TASL: variants seen among roughly 807,000 people sequenced by gnomAD.
The protein encoded by TASL is TLR adaptor interacting with endolysosomal SLC15A4.
Under a neutral mutation model 12.9 loss-of-function variants are expected in TASL, and 6 were observed. The observed-to-expected ratio is 0.46, with a 90% CI of 0.25 to 0.92. The LOEUF (loss-of-function observed/expected upper bound fraction) is 0.92. Among genes scored for constraint, TASL ranks in the 40% least tolerant of loss-of-function variants. The pLI, the probability that TASL is intolerant of heterozygous loss-of-function variation, is 0.17. For missense variants in TASL, 165 were observed against 212.8 expected, an observed-to-expected ratio of 0.78 and a Z score of 1.40; for synonymous variants, 85 against 79.3, an observed-to-expected ratio of 1.07 and a Z score of -0.38.
intron 2 of TASL, among the ~76,000 whole-genome samples, chrX:30,569,741 G>A (rs1930563194): frequency 9.0e-6 from 1 of 111,531 alleles, no homozygotes; most frequent in African/African-American, 3.3e-5. Context: ...GGCCGGGCAC[G>A]GTGGCTCACA....
chrX:30,560,844 G>A (rs1930409825), intron 2 of TASL, among the ~76,000 whole-genome samples: 1 of 110,553 alleles, frequency 9.0e-6, no homozygotes. Flanking sequence ...AGCACAAGCA[G>A]AAGGAATTGG....
At chrX:30,563,078 C>T (rs1396475778) in intron 2 of TASL, among the ~76,000 whole-genome samples, 8 of 111,104 alleles carry the variant, frequency 7.2e-5, no homozygotes, top group Non-Finnish European at 1.5e-4. Flanking sequence ...TGCTGTGTCC[C>T]CACCCAAATC....
At chrX:30,570,360 A>G (rs1016646136) in intron 2 of TASL, among the ~76,000 whole-genome samples, 1 of 111,480 alleles carries the variant, frequency 9.0e-6, no homozygotes, top group Non-Finnish European at 1.9e-5. Context: ...TTGTTGCCAG[A>G]TCTATAAAAT....
chrX:30,563,325 G>A (rs1389008106), intron 2 of TASL, among the ~76,000 whole-genome samples: 1 of 111,865 alleles, frequency 8.9e-6, no homozygotes, highest in Non-Finnish European at 1.9e-5. Context: ...CCCCAGCCCT[G>A]CAGAACTGAG....
rs951855800 is a variant in TASL, at chrX:30,576,852, T to C, written c.-102A>G. The C allele has an allele frequency of 8.9e-6, 1 of 112,036 alleles. No homozygotes were observed. The highest frequency in any genetic ancestry group is 3.2e-5 in the African/African-American group (1 of 30,837). 9.2% of individuals were successfully genotyped at this position (112,036 alleles called of 1,213,427 possible). A position where few individuals can be genotyped will look rare whatever the true frequency, so the allele number is the denominator to read the frequency against. ...AGCTTCTCAAGCTCAGAAACAATCT[T>C]CTTCTCACACTGACCTATGCAAGAA... On this transcript the variant is annotated 5_prime_UTR_variant, in exon 2 of 3. Transcript: ENST00000378962.
chrX:30,569,623 A>G (rs757644406), intron 2 of TASL, among the ~76,000 whole-genome samples: 2 of 111,560 alleles, frequency 1.8e-5, no homozygotes, highest in Non-Finnish European at 3.8e-5. Flanking sequence ...TTCTATGGGG[A>G]GCCTACCTGG....
At chrX:30,572,180 G>A (rs2147087356) in intron 2 of TASL, among the ~76,000 whole-genome samples, 1 of 111,845 alleles carries the variant, frequency 8.9e-6, no homozygotes, top group African/African-American at 3.2e-5. Context: ...AACCTTATGT[G>A]CAAATTCACA....
chrX:30,567,964 C>T (rs1930524376), intron 2 of TASL, among the ~76,000 whole-genome samples: 1 of 111,771 alleles, frequency 8.9e-6, no homozygotes, highest in Non-Finnish European at 1.9e-5. Context: ...GGGCCAGGTA[C>T]GGTGGCTCAC....
chrX:30,568,328 T>G (rs1455430095), intron 2 of TASL, among the ~76,000 whole-genome samples: 1 of 111,481 alleles, frequency 9.0e-6, no homozygotes, highest in Non-Finnish European at 1.9e-5. Flanking sequence ...TATTGCATAT[T>G]CTAAGGGTGA....
chrX:30,563,428 G>A (rs1170283732), intron 2 of TASL, among the ~76,000 whole-genome samples: 1 of 112,501 alleles, frequency 8.9e-6, no homozygotes, highest in Non-Finnish European at 1.9e-5. Context: ...GGAAAGCGAA[G>A]AGCCAATCTG....
At chrX:30,560,464 C>T in intron 2 of TASL, 108 bp from the exon 3 acceptor site, 2 of 549,652 alleles carry the variant, frequency 3.6e-6, no homozygotes, top group South Asian at 3.3e-5. Context: ...TCACTTTATT[C>T]ATTCACCAAG....
intron 2 of TASL, among the ~76,000 whole-genome samples, chrX:30,573,682 C>T (rs889243377): frequency 2.7e-5 from 3 of 111,207 alleles, no homozygotes; most frequent in Non-Finnish European, 5.7e-5. Context: ...CTTTGGGAGG[C>T]TGAGGTGGGT....
At chrX:30,561,348 C>G (rs764095558) in intron 2 of TASL, among the ~76,000 whole-genome samples, 20 of 111,434 alleles carry the variant, frequency 1.8e-4, no homozygotes, top group African/African-American at 6.5e-4. Flanking sequence ...ATCTGCCTCC[C>G]CTCCCTACCC....
Position 30,559,331 on chromosome X carries a change from C to A in TASL, c.*119G>T. On this transcript the variant is annotated 3_prime_UTR_variant, in exon 3 of 3. Transcript: ENST00000378962. ...GATTCACACATGACTTCCAGCTGAT[C>A]TTTACTTCTCTAGCCCTTAATTCCC... 3.9e-6 allele frequency: 2 copies of A among 512,315 alleles called. No individual in the cohort carries two copies. The highest frequency in any genetic ancestry group is 3.2e-6 in the Non-Finnish European group (1 of 311,502). The allele number at this position is 512,315 out of a possible 1,213,427, so 42.2% of individuals were successfully genotyped here.
At chrX:30,561,599 A>G (rs930721877) in intron 2 of TASL, among the ~76,000 whole-genome samples, 1 of 112,011 alleles carries the variant, frequency 8.9e-6, no homozygotes, top group Non-Finnish European at 1.9e-5. Context: ...TCCTTTTAAA[A>G]ATTGTTAACA....
At chrX:30,575,365 CT>C (rs1930691343) in intron 2 of TASL, among the ~76,000 whole-genome samples, 2 of 111,108 alleles carry the variant, frequency 1.8e-5, no homozygotes, top group South Asian at 7.5e-4. Context: ...AAACAAAAAG[CT>C]TCTTTAGGAA....
chrX:30,567,280 A>G (rs1442639543), intron 2 of TASL, among the ~76,000 whole-genome samples: 1 of 14,624 alleles, frequency 6.8e-5, no homozygotes, highest in Non-Finnish European at 1.0e-4. Flanking sequence ...TGTCTCAAGA[A>G]AAAAAAAAAA....
At chrX:30,561,704 T>C (rs1930428442) in intron 2 of TASL, among the ~76,000 whole-genome samples, 1 of 110,768 alleles carries the variant, frequency 9.0e-6, no homozygotes, top group Admixed American at 9.6e-5. Flanking sequence ...ATTTTTTTTT[T>C]CTCTTTTGGA....
chrX:30,574,421 AAGGAAAAAACAAGATTG>A (rs1176059603), intron 2 of TASL, among the ~76,000 whole-genome samples: 5 of 112,055 alleles, frequency 4.5e-5, no homozygotes, highest in Non-Finnish European at 3.8e-5. Context: ...ACACGAGCAA[AAGGAAAAAACAAGATTG>A]AGGATTGGTG....
Sources: gnomAD v4.1 joint callset for allele counts (sites outside exome capture counted in the v4.1 genomes callset) on GRCh38, gnomAD v4.1.1 for gene constraint, MANE v1.5 for transcripts, NCBI Gene and HGNC (gene_info 2026-07-23, HGNC 2026-07-21) for gene names.